Variants in CDC25A observed in about 807,000 individuals in gnomAD.
CDC25A encodes M-phase inducer phosphatase 1.
A neutral mutation model predicts 64.6 loss-of-function variants in CDC25A; 17 were observed. That is an observed-to-expected ratio of 0.26 (90% CI 0.18 to 0.39). The LOEUF is 0.39. Among genes scored for constraint, CDC25A ranks in the 10% least tolerant of loss-of-function variants. The probability of loss-of-function intolerance (pLI) is 1.00; values close to 1 mark genes in which losing one functional copy is unlikely to be tolerated. For missense variants in CDC25A, 473 were observed against 654.8 expected, an observed-to-expected ratio of 0.72 and a Z score of 3.03; for synonymous variants, 229 against 238.6, an observed-to-expected ratio of 0.96 and a Z score of 0.37.
At chr3:48,165,557 A>G in intron 12 of CDC25A, 79 bp downstream of exon 12, 1 of 914,044 alleles carries the variant, frequency 1.1e-6, no homozygotes, top group Non-Finnish European at 1.8e-6. Context: ...CTAAGTGGCC[A>G]GGTGTCACTG....
chr3:48,160,671 G>C (rs575690325), intron 13 of CDC25A, among the ~76,000 whole-genome samples: 3 of 152,264 alleles, frequency 2.0e-5, no homozygotes, highest in African/African-American at 7.2e-5. Flanking sequence ...CATGAAGGCA[G>C]AGATTTTTTG....
chr3:48,166,986 G>A (rs750744320), intron 10 of CDC25A, among the ~76,000 whole-genome samples: 3 of 152,112 alleles, frequency 2.0e-5, no homozygotes, highest in South Asian at 2.1e-4. Context: ...TTCATTCTCC[G>A]TTCCTTCAAA....
chr3:48,174,979 T>A (rs3731517), intron 8 of CDC25A, among the ~76,000 whole-genome samples: 147 of 152,260 alleles, frequency 9.7e-4, no homozygotes, highest in South Asian at 2.3e-3. Context: ...CTTTCAAAAT[T>A]GTGTTCAAAG....
At position 48,187,876 on chromosome 3, in the gene CDC25A, C is replaced by A. The variant is rs146179438; in HGVS notation, c.72G>T (p.Gln24His). The stretch of plus-strand genomic sequence containing the variant: ...CGCCAAATAGCGCCTTCACGACGGG[C>A]TGCGACGCGGGAGGGGGGCTGCAGG... ...LFACSPPPAS[Q>H]PVVKALFGAS... Residue 24 changes from glutamine to histidine, a missense_variant, in exon 1 of 15, where the codon CAG becomes CAT. Physicochemically the swap from Gln to His is conservative, Grantham distance 24. Coordinates refer to ENST00000302506, the MANE Select transcript of CDC25A (RefSeq NM_001789.3). 0.016 allele frequency: 24,096 copies of A among 1,547,200 alleles called. 425 individuals carry two copies. The highest frequency in any genetic ancestry group is 0.014 in the Non-Finnish European group (16,572 of 1,145,784).
intron 9 of CDC25A, 33 bp downstream of exon 9, chr3:48,174,251 G>C (rs760144311): frequency 1.3e-6 from 2 of 1,575,936 alleles, no homozygotes; most frequent in South Asian, 2.3e-5. Flanking sequence ...TACAGTATCT[G>C]TGCTAGAGCA....
At chr3:48,162,273 T>TGA (rs1455496269) in intron 13 of CDC25A, among the ~76,000 whole-genome samples, 2 of 149,956 alleles carry the variant, frequency 1.3e-5, no homozygotes, top group Non-Finnish European at 3.0e-5. Flanking sequence ...CCTTTGTGTG[T>TGA]GTGTGTGTGT....
intron 7 of CDC25A, among the ~76,000 whole-genome samples, 175 bp downstream of exon 7, chr3:48,177,679 G>A (rs2032513881): frequency 6.6e-6 from 1 of 152,130 alleles, no homozygotes; most frequent in African/African-American, 2.4e-5. Flanking sequence ...CCAATCCAAA[G>A]GATTTAATAA....
chr3:48,165,329 A>G (rs553121750), intron 12 of CDC25A, among the ~76,000 whole-genome samples: 1 of 152,102 alleles, frequency 6.6e-6, no homozygotes, highest in African/African-American at 2.4e-5. Flanking sequence ...CTTAAATGCT[A>G]TGAAACCCAT....
intron 12 of CDC25A, 128 bp downstream of exon 12, chr3:48,165,508 C>T: frequency 1.5e-6 from 1 of 649,836 alleles, no homozygotes; most frequent in Middle Eastern, 3.4e-4. Context: ...CTTCCACACT[C>T]ACTGTATTGT....
chr3:48,165,364 A>G (rs1291022042), intron 12 of CDC25A, among the ~76,000 whole-genome samples: 1 of 152,062 alleles, frequency 6.6e-6, no homozygotes, highest in Admixed American at 6.6e-5. Context: ...TGACTTAAAC[A>G]TCAGTGGGTA....
Position 48,188,152 on chromosome 3 carries a change from A to G in CDC25A, c.-205T>C. ...GCGGACCCTCCAGGCGCCAGCCACC[A>G]GCCACAGGCACGGGTGCTTCCCTCT... On this transcript the variant is annotated 5_prime_UTR_variant, in exon 1 of 15. Transcript: ENST00000302506. 1 of 366,556 alleles carries G rather than the reference A, an allele frequency of 2.7e-6. No individual in the cohort carries two copies. Among genetic ancestry groups the G allele is most frequent in the South Asian group, 1.3e-4 (1 of 7,442 alleles). The allele number at this position is 366,556 out of a possible 1,614,324, so 22.7% of individuals were successfully genotyped here.
intron 9 of CDC25A, among the ~76,000 whole-genome samples, chr3:48,172,449 A>G (rs1031519727): frequency 2.0e-5 from 3 of 152,184 alleles, no homozygotes; most frequent in African/African-American, 7.2e-5. Flanking sequence ...ACCTCAATAT[A>G]AGGACAGTAT....
chr3:48,161,224 C>G (rs1283733863), intron 13 of CDC25A: 1 of 154,356 alleles, frequency 6.5e-6, no homozygotes, highest in Non-Finnish European at 1.4e-5. Context: ...CAACAGAAAG[C>G]CAGTGATGGC....
chr3:48,165,577 C>G, intron 12 of CDC25A, 59 bp downstream of exon 12: 2 of 1,242,424 alleles, frequency 1.6e-6, no homozygotes, highest in Admixed American at 1.8e-5. Flanking sequence ...GTCCTCCCCA[C>G]TTTAAAACCA....
At chr3:48,166,463 C>T (rs2032022643) in intron 10 of CDC25A, among the ~76,000 whole-genome samples, 1 of 152,156 alleles carries the variant, frequency 6.6e-6, no homozygotes, top group Admixed American at 6.6e-5. Flanking sequence ...ATAAAGAAAC[C>T]TCAGGTAATC....
At chr3:48,160,589 T>G (rs2031714785) in intron 13 of CDC25A, among the ~76,000 whole-genome samples, 1 of 152,026 alleles carries the variant, frequency 6.6e-6, no homozygotes, top group African/African-American at 2.4e-5. Flanking sequence ...TTTTGTATTT[T>G]TAGTAGAGAC....
intron 6 of CDC25A, 95 bp downstream of exon 6, chr3:48,180,626 T>C: frequency 7.9e-7 from 1 of 1,273,636 alleles, no homozygotes; most frequent in Non-Finnish European, 1.1e-6. Flanking sequence ...TAAAAACAGC[T>C]AGTGCTACTG....
intron 8 of CDC25A, 181 bp from the exon 9 acceptor site, chr3:48,174,638 A>C (rs1329793543): frequency 1.8e-6 from 1 of 570,320 alleles, no homozygotes; most frequent in Non-Finnish European, 3.1e-6. Context: ...GTAGGCACTG[A>C]GCACTTAGTG....
At chr3:48,176,517 A>G (rs1003834979) in intron 8 of CDC25A, among the ~76,000 whole-genome samples, 15 of 110,528 alleles carry the variant, frequency 1.4e-4, no homozygotes, top group Admixed American at 4.6e-4. Context: ...TATACTGTGT[A>G]TGTGTGTGTG....
Sources: allele counts gnomAD v4.1 joint callset (sites outside exome capture counted in the v4.1 genomes callset), GRCh38; gene constraint gnomAD v4.1.1; transcripts MANE v1.5; gene names NCBI Gene and HGNC (gene_info 2026-07-23, HGNC 2026-07-21).